The following DOCK3 variants were observed in gnomAD, a reference collection of about 807,000 sequenced individuals.
DOCK3 encodes dedicator of cytokinesis 3, also known as dedicator of cytokinesis protein 3.
Under a neutral mutation model 265.6 loss-of-function variants are expected in DOCK3, and 60 were observed. The ratio of observed to expected loss-of-function variants is 0.23; its 90% confidence interval spans 0.18 to 0.28. The LOEUF is 0.28. Among genes scored for constraint, DOCK3 ranks in the 10% least tolerant of loss-of-function variants. The pLI is 1.00. For missense variants in DOCK3, 1,981 were observed against 2,594.3 expected (o/e 0.76, Z 5.14); for synonymous variants, 881 against 938.0 (o/e 0.94, Z 1.11).
intron 3 of DOCK3, among the ~76,000 whole-genome samples, chr3:50,852,924 T>C (rs927441471): frequency 2.6e-5 from 4 of 152,208 alleles, no homozygotes; most frequent in Non-Finnish European, 4.4e-5. Flanking sequence ...TAGTTGTACA[T>C]ATTTATGGGA....
chr3:50,837,319 A>G (rs2045569245), intron 2 of DOCK3, among the ~76,000 whole-genome samples: 1 of 152,260 alleles, frequency 6.6e-6, no homozygotes, highest in South Asian at 2.1e-4. Context: ...TGGGTAATTT[A>G]TAAAGAAAAG....
Position 50,770,705 on chromosome 3 carries a change from C to T in DOCK3, c.38-7970C>T, listed in dbSNP as rs1048029940. Reference sequence around the variant, plus strand: ...GACTTCAGATTATGCTACATATAGACGCATAGACCAATGGAACAGAATAGA... The same window carrying T: ...GACTTCAGATTATGCTACATATAGATGCATAGACCAATGGAACAGAATAGA... On this transcript the variant is annotated intron_variant, in intron 1 of 52. Transcript: ENST00000266037. 2.9e-4 allele frequency among the ~76,000 whole-genome samples: 44 copies of T among 152,082 alleles called. 1 individual carries two copies. Among genetic ancestry groups the T allele is most frequent in the Admixed American group, 2.4e-3 (36 of 15,256 alleles).
At chr3:51,097,505 C>T (rs1287280943) in intron 9 of DOCK3, among the ~76,000 whole-genome samples, 1 of 152,190 alleles carries the variant, frequency 6.6e-6, no homozygotes. Context: ...CTGCTGGTAG[C>T]GAGAATTTCA....
chr3:51,059,865 A>T (rs917161649), intron 5 of DOCK3, among the ~76,000 whole-genome samples: 1 of 152,074 alleles, frequency 6.6e-6, no homozygotes, highest in Non-Finnish European at 1.5e-5. Context: ...CCATCTGTTC[A>T]TGTCTACTCA....
intron 1 of DOCK3, among the ~76,000 whole-genome samples, chr3:50,742,598 G>A (rs1267572131): frequency 6.6e-6 from 1 of 151,776 alleles, no homozygotes; most frequent in Non-Finnish European, 1.5e-5. Context: ...GGGTATCAGC[G>A]ATGGAAGATG....
chr3:50,866,788 T>C (rs2047166453), intron 3 of DOCK3, among the ~76,000 whole-genome samples: 1 of 152,182 alleles, frequency 6.6e-6, no homozygotes. Context: ...CTTTGGTGTA[T>C]ATGTCTATAT....
intron 1 of DOCK3, among the ~76,000 whole-genome samples, chr3:50,700,303 C>T (rs1477666075): frequency 6.6e-6 from 1 of 152,198 alleles, no homozygotes; most frequent in African/African-American, 2.4e-5. Context: ...CAAATATTAT[C>T]TTCTAGCTTT....
chr3:50,804,193 G>A (rs1244149906), intron 2 of DOCK3, among the ~76,000 whole-genome samples: 2 of 151,794 alleles, frequency 1.3e-5, no homozygotes, highest in African/African-American at 4.8e-5. Flanking sequence ...CGGCCGGGCA[G>A]AGACGCTCCT....
intron 5 of DOCK3, among the ~76,000 whole-genome samples, chr3:51,059,869 C>T (rs1323346109): frequency 6.6e-6 from 1 of 152,096 alleles, no homozygotes; most frequent in African/African-American, 2.4e-5. Context: ...CTGTTCATGT[C>T]TACTCAAGGA....
At chr3:50,971,513 C>T (rs2077231488) in intron 5 of DOCK3, among the ~76,000 whole-genome samples, 2 of 152,218 alleles carry the variant, frequency 1.3e-5, no homozygotes, top group Admixed American at 1.3e-4. Flanking sequence ...TGAACAGTCT[C>T]ACTCCCTCTT....
chr3:51,019,550 T>G (rs1400996085), intron 5 of DOCK3, among the ~76,000 whole-genome samples: 1 of 151,916 alleles, frequency 6.6e-6, no homozygotes, highest in Admixed American at 6.6e-5. Flanking sequence ...GGTGCTTTGC[T>G]GCACAGATCA....
At chr3:50,800,434 C>G (rs2043014474) in intron 2 of DOCK3, among the ~76,000 whole-genome samples, 1 of 151,904 alleles carries the variant, frequency 6.6e-6, no homozygotes, top group Non-Finnish European at 1.5e-5. Context: ...TTGTAGGTGT[C>G]CAGGAATTTA....
chr3:51,233,354 CTATCTATT>C (rs1328230049), intron 19 of DOCK3, among the ~76,000 whole-genome samples: 16 of 113,218 alleles, frequency 1.4e-4, no homozygotes, highest in Non-Finnish European at 1.8e-4. Flanking sequence ...ATCTATCTAT[CTATCTATT>C]TATTTATTTA....
intron 2 of DOCK3, among the ~76,000 whole-genome samples, chr3:50,833,032 A>T (rs1167934858): frequency 6.6e-6 from 1 of 152,214 alleles, no homozygotes. Context: ...AAATTATCCC[A>T]AGTAAACTAA....
chr3:51,330,223 T>A lies in DOCK3; in HGVS notation c.3488T>A (p.Leu1163Gln). 1 of 1,590,512 alleles carries A rather than the reference T, an allele frequency of 6.3e-7. No homozygotes were observed. The highest frequency in any genetic ancestry group is 8.6e-7 in the Non-Finnish European group (1 of 1,168,366). ...AGCTACAGGGAGCTCTTCAGCCTAC[T>A]GTAAGCTGCTCCAGCCCCAGGCACA... is the stretch of plus-strand genomic sequence containing the variant. ...DESYRELFSL[L>Q]TQLFGPYPSL... Residue 1163 changes from leucine (L) to glutamine (Q), a missense_variant and splice_region_variant, in exon 33 of 53, where the codon CTA (leucine) becomes CAA (glutamine). Physicochemically the swap from Leu to Gln is moderately radical, Grantham distance 113. Transcript: ENST00000266037.
intron 3 of DOCK3, among the ~76,000 whole-genome samples, chr3:50,886,452 C>T (rs913263291): frequency 1.3e-5 from 2 of 151,702 alleles, no homozygotes; most frequent in Admixed American, 1.3e-4. Flanking sequence ...TACATGTGCA[C>T]AATGTGCAGG....
chr3:50,821,602 C>A (rs552636272), intron 2 of DOCK3, among the ~76,000 whole-genome samples: 2 of 152,258 alleles, frequency 1.3e-5, no homozygotes, highest in East Asian at 3.9e-4. Context: ...GCCTGGCCGC[C>A]TTCTAAGATT....
intron 12 of DOCK3, among the ~76,000 whole-genome samples, chr3:51,185,945 A>G (rs1041865137): frequency 6.6e-6 from 1 of 152,154 alleles, no homozygotes; most frequent in African/African-American, 2.4e-5. Context: ...AGTTTTGGGT[A>G]TGTCTTTGTC....
At chr3:50,826,315 A>G (rs995599630) in intron 2 of DOCK3, among the ~76,000 whole-genome samples, 1 of 151,854 alleles carries the variant, frequency 6.6e-6, no homozygotes, top group African/African-American at 2.4e-5. Flanking sequence ...TGTTCTTTAT[A>G]GTAAATTTTT....
Sources: allele counts gnomAD v4.1 joint callset (sites outside exome capture counted in the v4.1 genomes callset), GRCh38; gene constraint gnomAD v4.1.1; transcripts MANE v1.5; gene names NCBI Gene and HGNC (gene_info 2026-07-23, HGNC 2026-07-21).